Variants in RBMS1 observed in about 807,000 individuals in gnomAD.
RBMS1 encodes the protein RNA-binding motif, single-stranded-interacting protein 1.
RBMS1 carries 17 observed loss-of-function variants against 62.3 expected under a neutral mutation model. The ratio of observed to expected loss-of-function variants is 0.27; its 90% CI spans 0.19 to 0.41. The LOEUF is 0.41. Among genes scored for constraint, RBMS1 ranks in the 10% least tolerant of loss-of-function variants. The pLI is 1.00. For missense variants in RBMS1, 334 were observed against 504.5 expected (o/e 0.66, Z 3.24); for synonymous variants, 172 against 170.0 (o/e 1.01, Z -0.09).
intron 6 of RBMS1, among the ~76,000 whole-genome samples, chr2:160,295,200 G>C (rs1159288418): frequency 6.6e-6 from 1 of 152,132 alleles, no homozygotes; most frequent in Admixed American, 6.5e-5. Flanking sequence ...AACCTCCTGT[G>C]CAAAAAGGTG....
chr2:160,370,436 C>G (rs1437095764), intron 1 of RBMS1, among the ~76,000 whole-genome samples: 1 of 152,182 alleles, frequency 6.6e-6, no homozygotes, highest in Non-Finnish European at 1.5e-5. Flanking sequence ...AGTTCGAGAC[C>G]AGCCTGGCCA....
At chr2:160,284,704 C>G in intron 9 of RBMS1, 71 bp downstream of exon 9, 1 of 1,201,602 alleles carries the variant, frequency 8.3e-7, no homozygotes, top group Non-Finnish European at 1.2e-6. Context: ...AATTTTAAGA[C>G]ACATAAAAAT....
At chr2:160,458,038 A>C (rs910371318) in intron 1 of RBMS1, among the ~76,000 whole-genome samples, 1 of 151,890 alleles carries the variant, frequency 6.6e-6, no homozygotes, top group African/African-American at 2.4e-5. Flanking sequence ...ATCATTGCTC[A>C]CTGCAGCCTC....
chr2:160,310,738 G>C (rs1314421974), intron 4 of RBMS1, among the ~76,000 whole-genome samples: 1 of 152,008 alleles, frequency 6.6e-6, no homozygotes, highest in Non-Finnish European at 1.5e-5. Context: ...TACAATGCCG[G>C]GTTACCCATT....
intron 7 of RBMS1, among the ~76,000 whole-genome samples, chr2:160,285,466 T>C (rs1434462260): frequency 6.6e-6 from 1 of 152,152 alleles, no homozygotes; most frequent in Admixed American, 6.6e-5. Flanking sequence ...ACGTTTCAAG[T>C]GCTCAGAGAG....
intron 2 of RBMS1, among the ~76,000 whole-genome samples, chr2:160,353,727 C>T (rs1438390115): frequency 6.6e-6 from 1 of 152,012 alleles, no homozygotes; most frequent in African/African-American, 2.4e-5. Context: ...AGTTTTGTGA[C>T]TCCAAAAAGG....
At chr2:160,335,917 T>C (rs1447822879) in intron 2 of RBMS1, among the ~76,000 whole-genome samples, 1 of 152,228 alleles carries the variant, frequency 6.6e-6, no homozygotes, top group Non-Finnish European at 1.5e-5. Flanking sequence ...GAATGGTCAC[T>C]GAGTCTGATA....
At chr2:160,382,845 A>T (rs1694347421) in intron 1 of RBMS1, among the ~76,000 whole-genome samples, 1 of 147,900 alleles carries the variant, frequency 6.8e-6, no homozygotes, top group South Asian at 2.1e-4. Flanking sequence ...AGTTTACTTA[A>T]TTTTTTTTTT....
intron 1 of RBMS1, among the ~76,000 whole-genome samples, chr2:160,430,024 A>G (rs1682824614): frequency 6.6e-6 from 1 of 152,250 alleles, no homozygotes; most frequent in Admixed American, 6.5e-5. Flanking sequence ...GAGAGGCTGT[A>G]CAGAATGAGA....
intron 6 of RBMS1, among the ~76,000 whole-genome samples, chr2:160,288,411 C>T (rs1688516187): frequency 1.3e-5 from 2 of 152,192 alleles, no homozygotes; most frequent in Non-Finnish European, 2.9e-5. Flanking sequence ...TGTCTTTCAA[C>T]ACTTCTCTGC....
chr2:160,450,144 CA>C (rs1683902836), intron 1 of RBMS1, among the ~76,000 whole-genome samples: 1 of 152,194 alleles, frequency 6.6e-6, no homozygotes, highest in African/African-American at 2.4e-5. Context: ...TGCTGTATAC[CA>C]GGCACAGAGG....
intron 2 of RBMS1, among the ~76,000 whole-genome samples, chr2:160,354,150 G>T (rs1008790417): frequency 6.6e-6 from 1 of 151,974 alleles, no homozygotes; most frequent in Non-Finnish European, 1.5e-5. Context: ...CGTGTTCCTC[G>T]TTAACAGCCA....
At chr2:160,408,160 CCCT>C (rs1695868972) in intron 1 of RBMS1, among the ~76,000 whole-genome samples, 1 of 151,936 alleles carries the variant, frequency 6.6e-6, no homozygotes, top group South Asian at 2.1e-4. Context: ...TAGCCAACCC[CCCT>C]CCTCTGTTCT....
Position 160,313,196 on chromosome 2 carries a change from G to A in RBMS1, c.362C>T (p.Ser121Phe). Residue 121 changes from serine to phenylalanine, a missense_variant, in exon 4 of 14, where the codon TCT becomes TTT. Around this residue, in one of 3 missense-constraint regions of RBMS1, gnomAD observed 150 missense variants for 228.0 expected, o/e 0.66. Coordinates refer to ENST00000348849, the MANE Select transcript of RBMS1 (RefSeq NM_016836.4). ...DSPAAAQKAVSALKASGVQAQ... is the reference protein window; with the variant it reads ...DSPAAAQKAVFALKASGVQAQ... ...TTGAACCCCACTGGCCTTCAGGGCAGACACAGCTTTTTGAGCTGCTGCAGG... is the reference window on the plus strand; with the variant it reads ...TTGAACCCCACTGGCCTTCAGGGCAAACACAGCTTTTTGAGCTGCTGCAGG... 1 of 1,613,686 alleles carries A rather than the reference G, an allele frequency of 6.2e-7. No homozygotes were observed. The highest frequency in any genetic ancestry group is 8.5e-7 in the Non-Finnish European group (1 of 1,179,682).
rs368517022 is a variant in RBMS1, at chr2:160,399,390, C to T, written c.76-31999G>A. On this transcript the variant is annotated intron_variant, in intron 1 of 13. Transcript: ENST00000348849. ...CTCCTCCTGCCTACAATTTAACTGA[C>T]TTCTTTTGGGTCCTCACTAGCTCTC... Among the ~76,000 whole-genome samples, 10 of 152,300 alleles carry T rather than the reference C, an allele frequency of 6.6e-5. No homozygotes were observed. In the South Asian group the frequency reaches 2.1e-3, roughly 32 times the overall value.
chr2:160,308,658 T>G (rs1283904032), intron 4 of RBMS1, among the ~76,000 whole-genome samples: 1 of 152,176 alleles, frequency 6.6e-6, no homozygotes, highest in Non-Finnish European at 1.5e-5. Context: ...ATGCAGAATG[T>G]TGGCAGCTGG....
intron 2 of RBMS1, among the ~76,000 whole-genome samples, chr2:160,363,405 G>A (rs1693232269): frequency 1.3e-5 from 2 of 152,190 alleles, no homozygotes; most frequent in Non-Finnish European, 2.9e-5. Flanking sequence ...AGTTACTGGT[G>A]TGGTCCAAGC....
At chr2:160,367,517 A>C (rs1693475490) in intron 1 of RBMS1, 126 bp from the exon 2 acceptor site, 1 of 1,452,354 alleles carries the variant, frequency 6.9e-7, no homozygotes, top group East Asian at 2.4e-5. Context: ...TTTAATTTAC[A>C]CTTTAAAAAA....
chr2:160,428,207 C>G (rs1682725519), intron 1 of RBMS1, among the ~76,000 whole-genome samples: 2 of 152,034 alleles, frequency 1.3e-5, no homozygotes, highest in Non-Finnish European at 2.9e-5. Flanking sequence ...TCTAATACAA[C>G]TTGGTTTTCT....
Sources: allele counts gnomAD v4.1 joint callset (sites outside exome capture counted in the v4.1 genomes callset), GRCh38; gene constraint gnomAD v4.1.1; regional missense constraint gnomAD v4.1.1; transcripts MANE v1.5; gene names NCBI Gene and HGNC (gene_info 2026-07-23, HGNC 2026-07-21).